CTIF: variants seen among roughly 807,000 people sequenced by gnomAD.
The protein encoded by CTIF is cap binding complex dependent translation initiation factor, also known as CBP80/20-dependent translation initiation factor.
CTIF carries 21 observed loss-of-function variants against 66.0 expected under a neutral mutation model. The observed-to-expected ratio is 0.32, with a 90% CI of 0.23 to 0.46. CTIF has a LOEUF of 0.46. CTIF is among the 20% of genes least tolerant of loss of function. The probability of loss-of-function intolerance (pLI) is 1.00; values close to 1 mark genes in which losing one functional copy is unlikely to be tolerated. For synonymous variants in CTIF, 345 were observed against 326.4 expected, an observed-to-expected ratio of 1.06 and a Z score of -0.62; for missense variants, 739 against 812.7, an observed-to-expected ratio of 0.91 and a Z score of 1.10.
chr18:48,834,177 G>A (rs2068758167), intron 10 of CTIF, among the ~76,000 whole-genome samples: 1 of 152,174 alleles, frequency 6.6e-6, no homozygotes, highest in Non-Finnish European at 1.5e-5. Flanking sequence ...ACATCCCTGC[G>A]AGGTGTAGGG....
At chr18:48,680,726 A>T (rs1484241536) in intron 6 of CTIF, among the ~76,000 whole-genome samples, 1 of 152,134 alleles carries the variant, frequency 6.6e-6, no homozygotes, top group East Asian at 1.9e-4. Flanking sequence ...GTTGATTGAG[A>T]TTGCTTGCCG....
chr18:48,592,933 G>A (rs1252083638), intron 1 of CTIF, among the ~76,000 whole-genome samples: 1 of 152,252 alleles, frequency 6.6e-6, no homozygotes, highest in Non-Finnish European at 1.5e-5. Flanking sequence ...GCGGATCAGG[G>A]AATGGAGGCA....
chr18:48,746,730 A>G (rs1451969534), intron 7 of CTIF, among the ~76,000 whole-genome samples: 2 of 151,824 alleles, frequency 1.3e-5, no homozygotes, highest in South Asian at 4.2e-4. Flanking sequence ...AAAAATGCCA[A>G]GTCCAGCCCC....
chr18:48,542,564 C>T (rs1170150235), intron 1 of CTIF, among the ~76,000 whole-genome samples: 5 of 152,196 alleles, frequency 3.3e-5, no homozygotes, highest in Admixed American at 6.5e-5. Flanking sequence ...TTATGAAGCA[C>T]CAGCCTCACT....
At chr18:48,746,023 A>T (rs924975927) in intron 7 of CTIF, among the ~76,000 whole-genome samples, 2 of 152,168 alleles carry the variant, frequency 1.3e-5, no homozygotes, top group East Asian at 1.9e-4. Context: ...TCATGAGTGG[A>T]GGAGGCAGTC....
intron 1 of CTIF, among the ~76,000 whole-genome samples, chr18:48,606,048 C>T (rs2090194169): frequency 6.6e-6 from 1 of 152,198 alleles, no homozygotes; most frequent in South Asian, 2.1e-4. Context: ...GCTTGGCAAT[C>T]TGTTGTGGGA....
chr18:48,730,205 TCC>T (rs1568170636), intron 7 of CTIF, among the ~76,000 whole-genome samples: 1 of 145,538 alleles, frequency 6.9e-6, no homozygotes, highest in East Asian at 2.0e-4. Flanking sequence ...TGTGAGGGGC[TCC>T]TGTGGTGTGA....
intron 10 of CTIF, among the ~76,000 whole-genome samples, chr18:48,821,513 G>T (rs897959225): frequency 6.6e-6 from 1 of 152,222 alleles, no homozygotes; most frequent in African/African-American, 2.4e-5. Flanking sequence ...TACTCTGTTT[G>T]TTTTCTTGGT....
chr18:48,643,125 C>A (rs1598791689), intron 3 of CTIF, among the ~76,000 whole-genome samples: 1 of 152,322 alleles, frequency 6.6e-6, no homozygotes, highest in South Asian at 2.1e-4. Context: ...TTCTTCACCA[C>A]CTCAAATCCT....
At chr18:48,676,825 A>G (rs192931246) in intron 6 of CTIF, among the ~76,000 whole-genome samples, 2 of 151,414 alleles carry the variant, frequency 1.3e-5, no homozygotes, top group African/African-American at 4.9e-5. Flanking sequence ...CCTCCCCACT[A>G]CCTCTCTAAA....
chr18:48,619,784 C>T (rs1182044145), intron 2 of CTIF, 39 bp downstream of exon 2: 3 of 1,474,070 alleles, frequency 2.0e-6, no homozygotes, highest in Admixed American at 4.7e-5. Flanking sequence ...TTGGGAAATT[C>T]AGAGGGGGTG....
intron 9 of CTIF, among the ~76,000 whole-genome samples, chr18:48,812,623 A>G (rs1028361673): frequency 6.6e-6 from 1 of 152,092 alleles, no homozygotes; most frequent in Non-Finnish European, 1.5e-5. Context: ...GCATAGTGTT[A>G]TATGCCTGTA....
chr18:48,621,901 C>T (rs771508197), intron 2 of CTIF, among the ~76,000 whole-genome samples: 1 of 152,172 alleles, frequency 6.6e-6, no homozygotes, highest in Non-Finnish European at 1.5e-5. Flanking sequence ...GTTGCTGGAG[C>T]CCTGGCCTAT....
At chr18:48,724,953 A>C (rs1020777030) in intron 7 of CTIF, among the ~76,000 whole-genome samples, 4 of 152,274 alleles carry the variant, frequency 2.6e-5, no homozygotes, top group African/African-American at 9.6e-5. Flanking sequence ...TTTGGTGGAC[A>C]AAAGATCTAA....
At chr18:48,550,115 G>C (rs781018093) in intron 1 of CTIF, among the ~76,000 whole-genome samples, 1 of 152,140 alleles carries the variant, frequency 6.6e-6, no homozygotes. Flanking sequence ...AGGATCCCAG[G>C]TGTTCCATGG....
chr18:48,576,804 T>G (rs1474417059), intron 1 of CTIF, among the ~76,000 whole-genome samples: 1 of 152,270 alleles, frequency 6.6e-6, no homozygotes, highest in Non-Finnish European at 1.5e-5. Context: ...CCTATTCTCC[T>G]CCATTAACTT....
intron 10 of CTIF, among the ~76,000 whole-genome samples, chr18:48,833,633 G>A (rs2068743431): frequency 6.6e-6 from 1 of 152,110 alleles, no homozygotes; most frequent in African/African-American, 2.4e-5. Flanking sequence ...GGAGGGGTGG[G>A]GAGAGAAAAA....
intron 3 of CTIF, among the ~76,000 whole-genome samples, chr18:48,659,552 G>T (rs551685608): frequency 1.3e-5 from 2 of 152,356 alleles, no homozygotes; most frequent in East Asian, 3.9e-4. Context: ...TCCTTGGTTT[G>T]TAAAGGGCTC....
chr18:48,672,346 A>C (rs979268727), intron 6 of CTIF, among the ~76,000 whole-genome samples: 1 of 152,082 alleles, frequency 6.6e-6, no homozygotes, highest in Non-Finnish European at 1.5e-5. Context: ...GACAACTCTT[A>C]ATAGTATGGA....
Sources: allele counts gnomAD v4.1 joint callset (sites outside exome capture counted in the v4.1 genomes callset), GRCh38; gene constraint gnomAD v4.1.1; transcripts MANE v1.5; gene names NCBI Gene and HGNC (gene_info 2026-07-23, HGNC 2026-07-21).